Variants in SYNDIG1 observed in about 807,000 individuals in gnomAD.
The protein encoded by SYNDIG1 is synapse differentiation inducing 1.
In SYNDIG1, 9 loss-of-function variants were observed where a neutral mutation model predicts 19.4. The ratio of observed to expected loss-of-function variants is 0.46; its 90% CI spans 0.28 to 0.81. SYNDIG1 has a LOEUF of 0.81. Ranked by LOEUF, SYNDIG1 falls within the 30% of genes least tolerant of loss-of-function variation. SYNDIG1 has a pLI of 0.12. For missense variants in SYNDIG1, 311 were observed against 343.3 expected (o/e 0.91, Z 0.74); for synonymous variants, 141 against 145.9 (o/e 0.97, Z 0.24).
chr20:24,505,454 T>C (rs144640227), intron 1 of SYNDIG1, among the ~76,000 whole-genome samples: 105 of 152,298 alleles, frequency 6.9e-4, no homozygotes, highest in African/African-American at 2.5e-3. Flanking sequence ...ACCCCAGATC[T>C]GCCCCCCTTA....
At chr20:24,571,991 C>G (rs1035910549) in intron 2 of SYNDIG1, among the ~76,000 whole-genome samples, 3 of 152,190 alleles carry the variant, frequency 2.0e-5, no homozygotes, top group African/African-American at 7.2e-5. Flanking sequence ...TGCCAGACCC[C>G]TCATTCATCA....
At chr20:24,528,193 A>G (rs897120954) in intron 1 of SYNDIG1, among the ~76,000 whole-genome samples, 6 of 152,210 alleles carry the variant, frequency 3.9e-5, no homozygotes, top group Admixed American at 6.5e-5. Flanking sequence ...CAGTTTGTCC[A>G]TTGACTTTTA....
chr20:24,648,908 A>T (rs2059444754), intron 3 of SYNDIG1, among the ~76,000 whole-genome samples: 1 of 152,194 alleles, frequency 6.6e-6, no homozygotes, highest in African/African-American at 2.4e-5. Context: ...AAAGGTACTG[A>T]TTCTTATTAT....
At chr20:24,581,304 A>T (rs919088814) in intron 2 of SYNDIG1, among the ~76,000 whole-genome samples, 3 of 152,178 alleles carry the variant, frequency 2.0e-5, no homozygotes, top group Non-Finnish European at 4.4e-5. Context: ...GATAGTAATA[A>T]CACCATCTGT....
chr20:24,470,979 G>A (rs2055424815), intron 1 of SYNDIG1, among the ~76,000 whole-genome samples: 1 of 151,942 alleles, frequency 6.6e-6, no homozygotes, highest in Non-Finnish European at 1.5e-5. Context: ...AGGGGAGGGG[G>A]GCTGGGCGTT....
chr20:24,502,102 G>C (rs995108096), intron 1 of SYNDIG1: 18 of 152,478 alleles, frequency 1.2e-4, no homozygotes, highest in African/African-American at 4.1e-4. Flanking sequence ...ACAGGGCTGA[G>C]CCCCAGCCAC....
In SYNDIG1 at chr20:24,543,484, G is replaced by A. The variant is rs141409618; in HGVS notation, c.387G>A (p.Pro129=). ...CCACCAAAGACAGCCTCGAGTACCC[G>A]GATGGGAAGTTCATTGACCTCTCAG... ...RSPTKDSLEY[P]DGKFIDLSAD... Residue 129 remains proline, a synonymous_variant, in exon 2 of 4, where the codon CCG becomes CCA. Transcript: ENST00000376862. The A allele has an allele frequency of 1.3e-4, 215 of 1,612,830 alleles. No individual in the cohort carries two copies. The highest frequency in any genetic ancestry group is 1.6e-4 in the Non-Finnish European group (186 of 1,180,038).
intron 1 of SYNDIG1, among the ~76,000 whole-genome samples, chr20:24,470,925 G>A (rs2055420966): frequency 2.6e-5 from 4 of 151,650 alleles, no homozygotes; most frequent in African/African-American, 9.7e-5. Context: ...CTGGTGTTTA[G>A]TGCAGCAGAC....
chr20:24,649,427 G>T (rs1189022827), intron 3 of SYNDIG1, among the ~76,000 whole-genome samples: 1 of 152,132 alleles, frequency 6.6e-6, no homozygotes, highest in African/African-American at 2.4e-5. Context: ...TTGAGTGCTG[G>T]ATCCATTTAT....
At chr20:24,516,503 TGAAGGATA>T in intron 1 of SYNDIG1, among the ~76,000 whole-genome samples, 1 of 152,158 alleles carries the variant, frequency 6.6e-6, no homozygotes, top group South Asian at 2.1e-4. Flanking sequence ...AACAAGTGGG[TGAAGGATA>T]TGAACAGACA....
chr20:24,658,923 A>G lies in SYNDIG1; in HGVS notation c.619-6423A>G, dbSNP rs766374743. On this transcript the variant is annotated intron_variant, in intron 3 of 3. Transcript: ENST00000376862. This position sits in a 1 kb window ranked among gnomAD's most constrained non-coding sequence, Gnocchi z 4.4. ...ATGAGCCATGCCCCAAGTGCCATGTAGACGCAGCAAGTGGCACAGCCGAGC... is the reference window on the plus strand; with the variant it reads ...ATGAGCCATGCCCCAAGTGCCATGTGGACGCAGCAAGTGGCACAGCCGAGC... Among the ~76,000 whole-genome samples the G allele has an allele frequency of 5.3e-5, 8 of 152,206 alleles. No individual in the cohort carries two copies. Among genetic ancestry groups the G allele is most frequent in the Non-Finnish European group, 1.0e-4 (7 of 68,032 alleles).
At chr20:24,592,456 G>C (rs1008919502) in intron 3 of SYNDIG1, among the ~76,000 whole-genome samples, 1 of 152,144 alleles carries the variant, frequency 6.6e-6, no homozygotes. Flanking sequence ...CTCAGAGAGT[G>C]TGGGGACATG....
chr20:24,497,231 CT>C (rs1446139754), intron 1 of SYNDIG1, among the ~76,000 whole-genome samples: 2 of 152,104 alleles, frequency 1.3e-5, no homozygotes, highest in African/African-American at 4.8e-5. Flanking sequence ...GAGACAGGGT[CT>C]CTCTGTGCTG....
chr20:24,542,507 C>A (rs1358159466), intron 1 of SYNDIG1, among the ~76,000 whole-genome samples: 1 of 152,186 alleles, frequency 6.6e-6, no homozygotes, highest in Non-Finnish European at 1.5e-5. Flanking sequence ...CCAAGCTGTG[C>A]CTCTCTCAAG....
intron 1 of SYNDIG1, among the ~76,000 whole-genome samples, chr20:24,493,988 C>T (rs1006068090): frequency 5.3e-5 from 8 of 152,324 alleles, no homozygotes; most frequent in South Asian, 2.1e-4. Flanking sequence ...GACAGAGCCG[C>T]GGATACTGGC....
intron 2 of SYNDIG1, among the ~76,000 whole-genome samples, chr20:24,569,724 T>C (rs2146934107): frequency 6.6e-6 from 1 of 152,270 alleles, no homozygotes; most frequent in East Asian, 1.9e-4. Flanking sequence ...GAACCCCAGT[T>C]AATGGTGTGA....
chr20:24,545,507 A>T (rs1313194135), intron 2 of SYNDIG1, among the ~76,000 whole-genome samples: 1 of 152,168 alleles, frequency 6.6e-6, no homozygotes, highest in Non-Finnish European at 1.5e-5. Flanking sequence ...AGTTATGGGA[A>T]TGGAATACCC....
At chr20:24,492,651 C>T (rs2056190354) in intron 1 of SYNDIG1, among the ~76,000 whole-genome samples, 1 of 152,166 alleles carries the variant, frequency 6.6e-6, no homozygotes, top group Non-Finnish European at 1.5e-5. Context: ...CCGCCCCCTC[C>T]ACCCCTCCTT....
intron 1 of SYNDIG1, among the ~76,000 whole-genome samples, chr20:24,508,218 ATT>A (rs34436263): frequency 1.6e-4 from 12 of 73,238 alleles, no homozygotes; most frequent in African/African-American, 6.7e-4. Flanking sequence ...AAGGAGGATA[ATT>A]TTTTTTTTTT....
Sources: gnomAD v4.1 joint callset for allele counts (sites outside exome capture counted in the v4.1 genomes callset) on GRCh38, gnomAD v4.1.1 for gene constraint, Gnocchi (gnomAD v3.1) non-coding constraint, MANE v1.5 for transcripts, NCBI Gene and HGNC (gene_info 2026-07-23, HGNC 2026-07-21) for gene names.